SMOC2: variants seen among roughly 807,000 people sequenced by gnomAD.
SMOC2 encodes SPARC related modular calcium binding 2.
SMOC2 carries 39 observed loss-of-function variants against 61.4 expected under a neutral mutation model. The observed-to-expected ratio is 0.64, with a 90% confidence interval of 0.49 to 0.83. The LOEUF (loss-of-function observed/expected upper bound fraction) is 0.83, where lower values mean the gene tolerates loss of function less well. SMOC2 is among the 40% of genes least tolerant of loss of function. The probability of loss-of-function intolerance (pLI) is 0.00; values close to 1 mark genes in which losing one functional copy is unlikely to be tolerated. For synonymous variants in SMOC2, 247 were observed against 239.9 expected, an observed-to-expected ratio of 1.03 and a Z score of -0.27; for missense variants, 556 against 592.9, an observed-to-expected ratio of 0.94 and a Z score of 0.65.
rs199934867 is a variant in SMOC2, at chr6:168,599,732, T to TCA, written c.824+734_824+735dup. Among the ~76,000 whole-genome samples the TCA allele has an allele frequency of 6.4e-3, 778 of 120,756 alleles. 12 individuals carry two copies. Among genetic ancestry groups the TCA allele is most frequent in the African/African-American group, 0.023 (698 of 29,846 alleles). The allele number at this position is 120,756 out of a possible 152,430, so 79.2% of individuals were successfully genotyped here. A position where few individuals can be genotyped will look rare whatever the true frequency, so the allele number is the denominator to read the frequency against. ...CAGTCACACACAACCACTAATACTC[T>TCA]CACACACTCATACCCACACTCATAC... On this transcript the variant is annotated intron_variant, in intron 8 of 12. Transcript: ENST00000356284.
chr6:168,520,464 C>A lies in SMOC2; in HGVS notation c.257-5882C>A, dbSNP rs115282836. Among the ~76,000 whole-genome samples, 574 of 152,328 alleles carry A rather than the reference C, an allele frequency of 3.8e-3. 1 individual carries two copies. The highest frequency in any genetic ancestry group is 0.013 in the African/African-American group (555 of 41,566). Reference sequence around the variant, plus strand: ...ACCAGCCCCGTCCCGGCCAGCCCTGCACTGGCTCATGGGGAGATGGCAGTG... The same window carrying A: ...ACCAGCCCCGTCCCGGCCAGCCCTGAACTGGCTCATGGGGAGATGGCAGTG... On this transcript the variant is annotated intron_variant, in intron 2 of 12. Transcript: ENST00000356284.
chr6:168,523,329 C>T (rs527955739), intron 2 of SMOC2, among the ~76,000 whole-genome samples: 1 of 147,390 alleles, frequency 6.8e-6, no homozygotes, highest in East Asian at 2.0e-4. Context: ...ACCTCAAGAT[C>T]CACCCGCCTC....
intron 1 of SMOC2, among the ~76,000 whole-genome samples, chr6:168,483,206 A>AC (rs1782251277): frequency 1.3e-5 from 2 of 151,858 alleles, no homozygotes; most frequent in African/African-American, 4.8e-5. Flanking sequence ...CACACACACA[A>AC]AAAAACTTGT....
intron 7 of SMOC2, among the ~76,000 whole-genome samples, chr6:168,576,314 C>T (rs1178202478): frequency 6.6e-6 from 1 of 152,042 alleles, no homozygotes; most frequent in Non-Finnish European, 1.5e-5. Context: ...ATCAAGGACC[C>T]CAAAAAGCTC....
At chr6:168,545,937 C>T (rs1783984914) in intron 5 of SMOC2, among the ~76,000 whole-genome samples, 1 of 152,162 alleles carries the variant, frequency 6.6e-6, no homozygotes, top group African/African-American at 2.4e-5. Flanking sequence ...AAATATTCAA[C>T]CACAGAATAT....
At chr6:168,607,222 C>T (rs186478108) in intron 8 of SMOC2, among the ~76,000 whole-genome samples, 1 of 152,066 alleles carries the variant, frequency 6.6e-6, no homozygotes, top group East Asian at 2.0e-4. Context: ...TCATGGTGGC[C>T]CGCACTCTGT....
chr6:168,610,205 A>G (rs9355072), intron 9 of SMOC2, among the ~76,000 whole-genome samples: 136,637 of 152,174 alleles, frequency 0.9, 61,425 homozygotes, highest in Middle Eastern at 0.98. Flanking sequence ...CTGCTAAAAC[A>G]GGAGGAGAAG....
In SMOC2 at chr6:168,472,115, C is replaced by T. The variant is rs199545607; in HGVS notation, c.84+30661C>T. ...GCTTTTGGGGTCATAGCCAGGAAAT[C>T]ATTGCCAAAGCCAATGTCAAGATAT... On this transcript the variant is annotated intron_variant, in intron 1 of 12. Coordinates refer to ENST00000356284, the MANE Select transcript of SMOC2 (RefSeq NM_001166412.2). 3.3e-5 allele frequency among the ~76,000 whole-genome samples: 5 copies of T among 152,192 alleles called. No individual in the cohort carries two copies. In the East Asian group the frequency reaches 9.6e-4, roughly 29 times the overall value.
intron 7 of SMOC2, among the ~76,000 whole-genome samples, chr6:168,567,319 TA>T (rs1175280760): frequency 2.0e-5 from 3 of 152,238 alleles, no homozygotes; most frequent in Non-Finnish European, 4.4e-5. Flanking sequence ...ATGCTTTATC[TA>T]AAGCCATTAG....
chr6:168,563,168 T>C (rs141804319), intron 7 of SMOC2, among the ~76,000 whole-genome samples: 1,832 of 152,350 alleles, frequency 0.012, 37 homozygotes, highest in African/African-American at 0.042. Context: ...CTGCATGGTG[T>C]GGATCCTGTG....
intron 8 of SMOC2, among the ~76,000 whole-genome samples, chr6:168,604,202 A>T (rs1785629037): frequency 6.6e-6 from 1 of 152,226 alleles, no homozygotes; most frequent in African/African-American, 2.4e-5. Context: ...CAGTGCTCAG[A>T]GGACACAGGA....
At chr6:168,518,122 C>G (rs906414033) in intron 2 of SMOC2, among the ~76,000 whole-genome samples, 1 of 152,234 alleles carries the variant, frequency 6.6e-6, no homozygotes, top group African/African-American at 2.4e-5. Flanking sequence ...CACAGCCTCG[C>G]CTTGGAGGAA....
intron 1 of SMOC2, among the ~76,000 whole-genome samples, chr6:168,507,035 G>A (rs758629368): frequency 1.3e-5 from 2 of 152,210 alleles, no homozygotes; most frequent in Admixed American, 1.3e-4. Context: ...TTATCCCTGA[G>A]AAATAACACT....
intron 11 of SMOC2, among the ~76,000 whole-genome samples, chr6:168,654,472 G>GCACC (rs1787285298): frequency 3.4e-5 from 1 of 29,138 alleles, no homozygotes; most frequent in Non-Finnish European, 8.7e-5. Context: ...CACCACCCCT[G>GCACC]TACCTGAGCT....
At chr6:168,631,176 TC>T (rs1221682306) in intron 9 of SMOC2, among the ~76,000 whole-genome samples, 1 of 152,166 alleles carries the variant, frequency 6.6e-6, no homozygotes, top group East Asian at 1.9e-4. Flanking sequence ...GTGTGATGTC[TC>T]CCCCGGATGC....
chr6:168,662,105 A>G (rs923456238), intron 11 of SMOC2, among the ~76,000 whole-genome samples: 1 of 152,240 alleles, frequency 6.6e-6, no homozygotes, highest in Non-Finnish European at 1.5e-5. Flanking sequence ...ACAGTTAATC[A>G]AGGAATATGG....
chr6:168,493,160 C>T (rs1782508349), intron 1 of SMOC2, among the ~76,000 whole-genome samples: 1 of 152,026 alleles, frequency 6.6e-6, no homozygotes, highest in Non-Finnish European at 1.5e-5. Flanking sequence ...TCTTAGTATC[C>T]TGAGTAGCTG....
intron 11 of SMOC2, 123 bp downstream of exon 11, chr6:168,653,351 C>A: frequency 8.6e-7 from 1 of 1,157,360 alleles, no homozygotes; most frequent in African/African-American, 1.6e-5. Flanking sequence ...ATCAAATATG[C>A]TGTTTAATTG....
chr6:168,462,233 C>T (rs977166159), intron 1 of SMOC2, among the ~76,000 whole-genome samples: 5 of 152,072 alleles, frequency 3.3e-5, no homozygotes, highest in Non-Finnish European at 7.4e-5. Flanking sequence ...ACAGGGATTC[C>T]AGTTCTGTGA....
Sources: gnomAD v4.1 joint callset for allele counts (sites outside exome capture counted in the v4.1 genomes callset) on GRCh38, gnomAD v4.1.1 for gene constraint, MANE v1.5 for transcripts, NCBI Gene and HGNC (gene_info 2026-07-23, HGNC 2026-07-21) for gene names.